Variants in AGBL1 observed in about 807,000 individuals in gnomAD.
The protein encoded by AGBL1 is AGBL carboxypeptidase 1.
In AGBL1, 130 loss-of-function variants were observed where a neutral mutation model predicts 118.9. The observed-to-expected ratio is 1.09, with a 90% CI of 0.95 to 1.26. AGBL1 has a LOEUF of 1.26. Among genes scored for constraint, AGBL1 ranks in the 50% most tolerant of loss-of-function variants. AGBL1 has a pLI of 0.00. For synonymous variants in AGBL1, 555 were observed against 478.9 expected (o/e 1.16, Z -2.08); for missense variants, 1,584 against 1,298.1 (o/e 1.22, Z -3.38).
At position 86,900,652 on chromosome 15, in the gene AGBL1, AT is replaced by A. The variant is rs71144080; in HGVS notation, c.3159-6422del. 4.7e-3 allele frequency among the ~76,000 whole-genome samples: 688 copies of A among 146,392 alleles called. 4 individuals carry two copies. Among genetic ancestry groups the A allele is most frequent in the Admixed American group, 0.015 (216 of 14,744 alleles). ...CTTATATCGACTATCTTATATCAGA[AT>A]TTTTTTTTTTTTGCTTGTGTATTCT... On this transcript the variant is annotated intron_variant, in intron 22 of 22. Transcript: ENST00000614907.
rs558248679 is a variant in AGBL1 at position 86,474,581 on chromosome 15, C to A, written c.2556-48229C>A. ...GTAGGTAAACAAAGCTGCCAGGAAGCTCGAACTGGGTGGAGCCCACTGCAG... is the reference window on the plus strand; with the variant it reads ...GTAGGTAAACAAAGCTGCCAGGAAGATCGAACTGGGTGGAGCCCACTGCAG... On this transcript the variant is annotated intron_variant, in intron 18 of 22. Coordinates refer to ENST00000614907, the MANE Select transcript of AGBL1 (RefSeq NM_001386094.1). Among the ~76,000 whole-genome samples the A allele has an allele frequency of 2.0e-5, 3 of 152,330 alleles. No homozygotes were observed. The South Asian group carries it at 6.2e-4, about 32-fold the overall frequency.
chr15:86,262,964 A>T, intron 10 of AGBL1, 70 bp downstream of exon 10: 1 of 1,114,308 alleles, frequency 9.0e-7, no homozygotes, highest in Non-Finnish European at 1.3e-6. Flanking sequence ...TGGGAGGCCA[A>T]ACCAGGGTGT....
At chr15:86,547,351 G>A (rs760044010) in intron 20 of AGBL1, among the ~76,000 whole-genome samples, 7 of 152,042 alleles carry the variant, frequency 4.6e-5, no homozygotes, top group Non-Finnish European at 8.8e-5. Context: ...GAGTCAGCAT[G>A]TTTTTTACTT....
At chr15:86,110,582 G>T (rs1897319397) in intron 1 of AGBL1, among the ~76,000 whole-genome samples, 1 of 152,102 alleles carries the variant, frequency 6.6e-6, no homozygotes, top group Non-Finnish European at 1.5e-5. Flanking sequence ...CCATGTATGA[G>T]TGGACCAGCA....
chr15:86,663,057 T>G (rs905854184), intron 21 of AGBL1, among the ~76,000 whole-genome samples: 2 of 152,212 alleles, frequency 1.3e-5, no homozygotes, highest in Non-Finnish European at 2.9e-5. Context: ...TCCACTGATT[T>G]TCACTGGCGT....
At chr15:86,745,604 C>T (rs1013460183) in intron 22 of AGBL1, among the ~76,000 whole-genome samples, 12 of 151,934 alleles carry the variant, frequency 7.9e-5, no homozygotes, top group Non-Finnish European at 1.2e-4. Context: ...TCAAATACTA[C>T]GTGGTGCATG....
intron 18 of AGBL1, among the ~76,000 whole-genome samples, chr15:86,403,362 A>G (rs1173949017): frequency 6.6e-6 from 1 of 152,290 alleles, no homozygotes. Context: ...ACAGAAGCAA[A>G]CAGCAATAAA....
intron 9 of AGBL1, 173 bp from the exon 10 acceptor site, chr15:86,262,605 T>G (rs1298114506): frequency 1.5e-6 from 1 of 677,710 alleles, no homozygotes; most frequent in South Asian, 1.5e-5. Flanking sequence ...TTTCTTTTTA[T>G]TTTAAAAATA....
chr15:86,765,787 G>C (rs1347444937), intron 22 of AGBL1, among the ~76,000 whole-genome samples: 1 of 151,818 alleles, frequency 6.6e-6, no homozygotes, highest in Non-Finnish European at 1.5e-5. Flanking sequence ...AGATACCTAT[G>C]GCTGGGAAAT....
At chr15:86,742,513 C>T (rs2077694734) in intron 22 of AGBL1, among the ~76,000 whole-genome samples, 2 of 152,014 alleles carry the variant, frequency 1.3e-5, no homozygotes, top group Non-Finnish European at 2.9e-5. Flanking sequence ...ATCACGAGAT[C>T]AGATTATGGG....
At chr15:86,271,270 G>A (rs1468332776) in intron 14 of AGBL1, among the ~76,000 whole-genome samples, 1 of 151,782 alleles carries the variant, frequency 6.6e-6, no homozygotes, top group Non-Finnish European at 1.5e-5. Flanking sequence ...CACCATGTTA[G>A]TCAGGATGGT....
intron 17 of AGBL1, among the ~76,000 whole-genome samples, chr15:86,349,750 T>A (rs889371168): frequency 6.6e-6 from 1 of 152,194 alleles, no homozygotes; most frequent in Admixed American, 6.5e-5. Context: ...AAGTTTGAGA[T>A]GTCTGTGTAA....
chr15:86,262,997 C>T, intron 10 of AGBL1, 103 bp downstream of exon 10: 1 of 806,598 alleles, frequency 1.2e-6, no homozygotes, highest in South Asian at 1.6e-5. Context: ...CATTGCTCAT[C>T]ATTAGCCATA....
At chr15:86,664,792 G>C (rs1380351697) in intron 21 of AGBL1, among the ~76,000 whole-genome samples, 1 of 151,758 alleles carries the variant, frequency 6.6e-6, no homozygotes, top group Non-Finnish European at 1.5e-5. Context: ...TAAATTTAAT[G>C]ATTTATAAAA....
At chr15:86,928,212 G>C (rs1005272620) in intron 23 of AGBL1, among the ~76,000 whole-genome samples, 1 of 152,134 alleles carries the variant, frequency 6.6e-6, no homozygotes, top group Admixed American at 6.5e-5. Flanking sequence ...ACTCAAGTAA[G>C]GATGCTGAGC....
chr15:86,786,380 G>A (rs113214362), intron 22 of AGBL1, among the ~76,000 whole-genome samples: 3 of 152,114 alleles, frequency 2.0e-5, no homozygotes, highest in African/African-American at 7.2e-5. Context: ...TGTAGAAAGA[G>A]AGTGTGGCAG....
At chr15:86,556,620 C>T (rs546460504) in intron 21 of AGBL1, among the ~76,000 whole-genome samples, 26 of 152,156 alleles carry the variant, frequency 1.7e-4, no homozygotes, top group Admixed American at 4.6e-4. Context: ...GTGATTTTTG[C>T]GTAAGGTACA....
chr15:86,824,142 C>T lies in AGBL1; in HGVS notation c.3159-82945C>T, dbSNP rs186182888. On this transcript the variant is annotated intron_variant, in intron 22 of 22. Coordinates refer to ENST00000614907, the MANE Select transcript of AGBL1 (RefSeq NM_001386094.1). ...TTAGAAAGGAAGAAATCAAATCCTC[C>T]CTATTTGCACATAAGATTGTCTATG... Among the ~76,000 whole-genome samples, 952 of 151,950 alleles carry T rather than the reference C, an allele frequency of 6.3e-3. 1 individual carries two copies. Among genetic ancestry groups the T allele is most frequent in the Admixed American group, 8.9e-3 (136 of 15,226 alleles).
At chr15:86,523,226 TC>T (rs1344186960) in intron 19 of AGBL1, among the ~76,000 whole-genome samples, 1 of 152,204 alleles carries the variant, frequency 6.6e-6, no homozygotes, top group African/African-American at 2.4e-5. Flanking sequence ...TAAGGAATAA[TC>T]CTTCTTTGTC....
Sources: allele counts gnomAD v4.1 joint callset (sites outside exome capture counted in the v4.1 genomes callset), GRCh38; gene constraint gnomAD v4.1.1; transcripts MANE v1.5; gene names NCBI Gene and HGNC (gene_info 2026-07-23, HGNC 2026-07-21).